The following BCAS3 variants were observed in gnomAD, a reference collection of about 807,000 sequenced individuals.
BCAS3 encodes the protein BCAS3 microtubule associated cell migration factor, also known as BCAS4/BCAS3 fusion.
BCAS3 carries 53 observed loss-of-function variants against 116.1 expected under a neutral mutation model. The observed-to-expected ratio is 0.46, with a 90% CI of 0.37 to 0.57. The LOEUF is 0.57. Among genes scored for constraint, BCAS3 ranks in the 20% least tolerant of loss-of-function variants. The pLI, the probability that BCAS3 is intolerant of heterozygous loss-of-function variation, is 0.00. For synonymous variants in BCAS3, 391 were observed against 408.2 expected, an observed-to-expected ratio of 0.96 and a Z score of 0.51; for missense variants, 917 against 1,165.4, an observed-to-expected ratio of 0.79 and a Z score of 3.10.
At chr17:60,988,950 A>G (rs756116590) in intron 14 of BCAS3, among the ~76,000 whole-genome samples, 7 of 150,530 alleles carry the variant, frequency 4.7e-5, no homozygotes, top group Middle Eastern at 6.9e-3. Flanking sequence ...TTGCTTTTCT[A>G]TTTCTTTAAG....
intron 6 of BCAS3, chr17:60,748,984 A>T (rs1272041789): frequency 6.6e-6 from 1 of 152,222 alleles, no homozygotes; most frequent in East Asian, 1.9e-4. Context: ...GAAAAAGTAG[A>T]ACAAGGAGTT....
intron 6 of BCAS3, among the ~76,000 whole-genome samples, chr17:60,783,942 C>T (rs1261176637): frequency 1.3e-5 from 2 of 152,026 alleles, no homozygotes; most frequent in Non-Finnish European, 2.9e-5. Context: ...GAGAATTGGC[C>T]ACATAAAGTT....
At position 61,140,616 on chromosome 17, in the gene BCAS3, G is replaced by A. The variant is rs189778587; in HGVS notation, c.2425+56052G>A. Among the ~76,000 whole-genome samples, 58 of 151,308 alleles carry A rather than the reference G, an allele frequency of 3.8e-4. No individual in the cohort carries two copies. The highest frequency in any genetic ancestry group is 3.5e-3 in the Admixed American group (54 of 15,220). On this transcript the variant is annotated intron_variant, in intron 22 of 23. Transcript: ENST00000407086. The surrounding 1 kb of genome is among the most constrained non-coding windows in gnomAD (Gnocchi z 4.2). Reference sequence around the variant, plus strand: ...TTTTTTTCTGGAGAAACAGCACTCTGGCATTTGGCCATCTTAGTATGGCCT... The same window carrying A: ...TTTTTTTCTGGAGAAACAGCACTCTAGCATTTGGCCATCTTAGTATGGCCT...
At chr17:60,809,598 T>C (rs2048605382) in intron 7 of BCAS3, among the ~76,000 whole-genome samples, 1 of 152,242 alleles carries the variant, frequency 6.6e-6, no homozygotes, top group African/African-American at 2.4e-5. Flanking sequence ...CGCTCATCTC[T>C]GAGTGGCAGG....
rs572686409 is a variant in BCAS3 at position 61,387,605 on chromosome 17, G to C, written c.2594-4372G>C. On this transcript the variant is annotated intron_variant, in intron 23 of 23. Transcript: ENST00000407086. The surrounding 1 kb of genome is among the most constrained non-coding windows in gnomAD (Gnocchi z 6.2). ...CATCATCCCCCTACCCCTGGGGGCT[G>C]TCCATCCTGGCCCAAGGCATAGAGG... Among the ~76,000 whole-genome samples the C allele has an allele frequency of 1.3e-5, 2 of 152,296 alleles. No homozygotes were observed. The highest frequency in any genetic ancestry group is 4.8e-5 in the African/African-American group (2 of 41,576).
intron 22 of BCAS3, among the ~76,000 whole-genome samples, chr17:61,274,059 T>G (rs911237295): frequency 8.1e-4 from 122 of 151,316 alleles, no homozygotes; most frequent in Non-Finnish European, 1.3e-4. Flanking sequence ...GCTGCACCCA[T>G]TAACTCGTCA....
chr17:60,696,516 G>C (rs1239910320), intron 4 of BCAS3: 2 of 152,280 alleles, frequency 1.3e-5, no homozygotes, highest in African/African-American at 4.8e-5. Context: ...TTCAGAAACA[G>C]TTAAAACTCC....
At chr17:61,170,149 C>T (rs375671551) in intron 22 of BCAS3, among the ~76,000 whole-genome samples, 5 of 151,716 alleles carry the variant, frequency 3.3e-5, no homozygotes, top group African/African-American at 2.4e-5. Flanking sequence ...TCACCGCGCC[C>T]GGCTAACATT....
intron 7 of BCAS3, among the ~76,000 whole-genome samples, chr17:60,844,896 A>C (rs927769232): frequency 2.0e-5 from 3 of 152,198 alleles, no homozygotes; most frequent in Admixed American, 6.5e-5. Context: ...CTGCAGTACA[A>C]GTTGTCTGAA....
At chr17:60,793,917 A>G (rs934606257) in intron 6 of BCAS3, among the ~76,000 whole-genome samples, 3 of 152,182 alleles carry the variant, frequency 2.0e-5, no homozygotes, top group African/African-American at 7.2e-5. Flanking sequence ...TCCTCTGGGT[A>G]GATACCCATA....
rs1020403702 is a variant in BCAS3, at chr17:61,258,882, C to A, written c.2426-109445C>A. On this transcript the variant is annotated intron_variant, in intron 22 of 23. Transcript: ENST00000407086. The surrounding 1 kb of genome is among the most constrained non-coding windows in gnomAD (Gnocchi z 4.7). The stretch of plus-strand genomic sequence containing the variant: ...GTAATTCCCCAAGATAAGATTTTAC[C>A]GTCCCTCTTAATTTTATTAATCCAT... Among the ~76,000 whole-genome samples, 4 of 152,152 alleles carry A rather than the reference C, an allele frequency of 2.6e-5. No homozygotes were observed. Among genetic ancestry groups the A allele is most frequent in the Admixed American group, 2.0e-4 (3 of 15,280 alleles).
chr17:60,977,109 T>C (rs1342003257), intron 14 of BCAS3, among the ~76,000 whole-genome samples: 2 of 151,812 alleles, frequency 1.3e-5, no homozygotes, highest in African/African-American at 4.8e-5. Context: ...GGGCGGGGGC[T>C]GCCCCCCACC....
In BCAS3 at chr17:61,339,537, G is replaced by A. The variant is rs2056983087; in HGVS notation, c.2426-28790G>A. Among the ~76,000 whole-genome samples, 1 of 152,150 alleles carries A rather than the reference G, an allele frequency of 6.6e-6. No individual in the cohort carries two copies. Among genetic ancestry groups the A allele is most frequent in the East Asian group, 1.9e-4 (1 of 5,188 alleles). On this transcript the variant is annotated intron_variant, in intron 22 of 23. Transcript: ENST00000407086. This position sits in a 1 kb window ranked among gnomAD's most constrained non-coding sequence, Gnocchi z 4.4. ...ATCCCAGCAGTTGGGAGGCCAAGGTGAGCAGATCACCTGAGGTCAGGAGTT... is the reference window on the plus strand; with the variant it reads ...ATCCCAGCAGTTGGGAGGCCAAGGTAAGCAGATCACCTGAGGTCAGGAGTT...
intron 10 of BCAS3, among the ~76,000 whole-genome samples, chr17:60,900,629 A>G (rs1377050545): frequency 6.6e-6 from 1 of 152,154 alleles, no homozygotes; most frequent in African/African-American, 2.4e-5. Context: ...GGTGAGCATG[A>G]AATGGTGTTT....
At chr17:60,959,113 T>A (rs1461824856) in intron 14 of BCAS3, among the ~76,000 whole-genome samples, 1 of 151,950 alleles carries the variant, frequency 6.6e-6, no homozygotes. Flanking sequence ...AAGACCAGAC[T>A]GGGGAACATA....
In BCAS3 at chr17:61,346,413, T is replaced by G. The variant is rs1233715303; in HGVS notation, c.2426-21914T>G. Reference sequence around the variant, plus strand: ...GGCCTCCGGTTCCAGCTCTGTGGCCTAATACAAAGTCACTTTATACCTCAG... The same window carrying G: ...GGCCTCCGGTTCCAGCTCTGTGGCCGAATACAAAGTCACTTTATACCTCAG... On this transcript the variant is annotated intron_variant, in intron 22 of 23. Transcript: ENST00000407086. This position sits in a 1 kb window ranked among gnomAD's most constrained non-coding sequence, Gnocchi z 5.4. 6.6e-6 allele frequency among the ~76,000 whole-genome samples: 1 copy of G among 152,250 alleles called. No individual in the cohort carries two copies. Among genetic ancestry groups the G allele is most frequent in the Non-Finnish European group, 1.5e-5 (1 of 68,056 alleles).
intron 19 of BCAS3, among the ~76,000 whole-genome samples, chr17:61,042,272 A>C (rs1437974477): frequency 6.6e-6 from 1 of 152,094 alleles, no homozygotes; most frequent in Non-Finnish European, 1.5e-5. Context: ...TGACTCTTTC[A>C]GAGTTAATAT....
At chr17:60,939,813 A>G (rs2060129102) in intron 13 of BCAS3, among the ~76,000 whole-genome samples, 1 of 152,226 alleles carries the variant, frequency 6.6e-6, no homozygotes, top group Non-Finnish European at 1.5e-5. Context: ...TAAATTATGT[A>G]TTCATAAAGG....
At chr17:61,373,804 CTTTGTTTTTTTT>C (rs2059183570) in intron 23 of BCAS3, among the ~76,000 whole-genome samples, 1 of 76,084 alleles carries the variant, frequency 1.3e-5, no homozygotes, top group Admixed American at 1.6e-4. Context: ...TCTTCTTCTT[CTTTGTTTTTTTT>C]TTTTTTTTTT....
Sources: allele counts gnomAD v4.1 joint callset (sites outside exome capture counted in the v4.1 genomes callset), GRCh38; gene constraint gnomAD v4.1.1; non-coding constraint Gnocchi (gnomAD v3.1); transcripts MANE v1.5; gene names NCBI Gene and HGNC (gene_info 2026-07-23, HGNC 2026-07-21).